Variants in PRP4K observed in about 807,000 individuals in gnomAD.
PRP4K encodes serine/threonine-protein kinase PRP4 homolog.
chr6:4,062,850 CCCA>C, the PRP4K span: 1 of 152,568 alleles, frequency 6.6e-6, no homozygotes, highest in East Asian at 1.9e-4. The surrounding 1 kb of genome is among the most constrained non-coding windows in gnomAD (Gnocchi z 4.2). Context: ...TAGTGATTTT[CCCA>C]CCATTATTTA....
At chr6:4,028,536 C>T in the PRP4K span, among the ~76,000 whole-genome samples, 3 of 152,154 alleles carry the variant, frequency 2.0e-5, no homozygotes, top group Admixed American at 6.5e-5. Flanking sequence ...CAAGATACTG[C>T]ACTTTTTCCA....
the PRP4K span, among the ~76,000 whole-genome samples, chr6:4,041,680 T>TTTC: frequency 8.9e-5 from 2 of 22,456 alleles, no homozygotes; most frequent in Non-Finnish European, 1.1e-4. Flanking sequence ...TCTGAGGACA[T>TTTC]TTCTTGTGAT....
the PRP4K span, chr6:4,044,040 CTGGCGACGCTT>C: frequency 8.1e-6 from 13 of 1,603,604 alleles, no homozygotes; most frequent in African/African-American, 1.3e-4. Flanking sequence ...GAGTTTTGTC[CTGGCGACGCTT>C]TTCTCTGAAT....
At chr6:4,029,480 T>A in the PRP4K span, among the ~76,000 whole-genome samples, 1 of 151,380 alleles carries the variant, frequency 6.6e-6, no homozygotes, top group East Asian at 1.9e-4. Flanking sequence ...AATAGCTAAT[T>A]TTTTTTATTT....
chr6:4,031,169 GTTGT>G, the PRP4K span, among the ~76,000 whole-genome samples: 1 of 152,160 alleles, frequency 6.6e-6, no homozygotes, highest in Admixed American at 6.5e-5. Context: ...GGGCCCTTTG[GTTGT>G]TAATGTGTGA....
the PRP4K span, among the ~76,000 whole-genome samples, chr6:4,043,402 G>C: frequency 4.6e-5 from 7 of 152,074 alleles, no homozygotes; most frequent in Admixed American, 2.0e-4. Flanking sequence ...TATGTGCTTT[G>C]GAACTCAGAA....
chr6:4,053,882 T>G, the PRP4K span, among the ~76,000 whole-genome samples: 1 of 147,578 alleles, frequency 6.8e-6, no homozygotes, highest in Non-Finnish European at 1.5e-5. Context: ...AAATAAATAC[T>G]TTTGATTTTT....
chr6:4,062,935 G>A, the PRP4K span: 1 of 150,746 alleles, frequency 6.6e-6, no homozygotes, highest in Non-Finnish European at 1.5e-5. The surrounding 1 kb of genome is among the most constrained non-coding windows in gnomAD (Gnocchi z 4.2). Context: ...ACAATTTGAT[G>A]CTTCTGGTGA....
chr6:4,032,339 G>GA, the PRP4K span: 1 of 1,613,798 alleles, frequency 6.2e-7, no homozygotes, highest in Non-Finnish European at 8.5e-7. Flanking sequence ...CAAAAGATAG[G>GA]AAAAAATCCC....
At chr6:4,052,985 T>G in the PRP4K span, 1 of 964,880 alleles carries the variant, frequency 1.0e-6, no homozygotes, top group East Asian at 2.9e-5. Context: ...GTTCAGTATA[T>G]TAATAACCTA....
the PRP4K span, among the ~76,000 whole-genome samples, chr6:4,041,787 A>G: frequency 6.6e-6 from 1 of 152,320 alleles, no homozygotes; most frequent in East Asian, 1.9e-4. Context: ...AAAACAAATC[A>G]TGCTAAGGAT....
At chr6:4,044,786 C>T in the PRP4K span, among the ~76,000 whole-genome samples, 1 of 151,858 alleles carries the variant, frequency 6.6e-6, no homozygotes, top group East Asian at 1.9e-4. Flanking sequence ...TGGCCTTTTC[C>T]TTTACAGTTC....
At chr6:4,043,897 C>T in the PRP4K span, 2 of 1,614,216 alleles carry the variant, frequency 1.2e-6, no homozygotes, top group African/African-American at 1.3e-5. Flanking sequence ...AACACGATCA[C>T]CATCTCCAGA....
At chr6:4,038,433 A>G in the PRP4K span, among the ~76,000 whole-genome samples, 10 of 149,394 alleles carry the variant, frequency 6.7e-5, no homozygotes, top group South Asian at 1.5e-3. Flanking sequence ...AGAGGTGCCC[A>G]TGCCACCATG....
chr6:4,027,788 C>T, the PRP4K span, among the ~76,000 whole-genome samples: 1 of 152,118 alleles, frequency 6.6e-6, no homozygotes, highest in African/African-American at 2.4e-5. Flanking sequence ...AATTTGAACC[C>T]AGGCAGTCTG....
the PRP4K span, among the ~76,000 whole-genome samples, chr6:4,053,789 C>G: frequency 6.6e-6 from 1 of 152,184 alleles, no homozygotes; most frequent in Non-Finnish European, 1.5e-5. Flanking sequence ...AGTTCTCCTA[C>G]AGTTGATGCC....
At chr6:4,035,650 G>A in the PRP4K span, among the ~76,000 whole-genome samples, 1 of 152,100 alleles carries the variant, frequency 6.6e-6, no homozygotes, top group African/African-American at 2.4e-5. Flanking sequence ...AACATGCAAG[G>A]CAGGTTGTGT....
the PRP4K span, among the ~76,000 whole-genome samples, chr6:4,056,127 A>G: frequency 6.6e-6 from 1 of 150,524 alleles, no homozygotes; most frequent in Non-Finnish European, 1.5e-5. Context: ...TACTCATTGT[A>G]ATGAATATTT....
the PRP4K span, chr6:4,037,577 A>G: frequency 3.7e-6 from 6 of 1,609,720 alleles, no homozygotes; most frequent in Non-Finnish European, 5.1e-6. Context: ...GAAGGTAAAG[A>G]CATTTCATCC....
Sources: allele counts gnomAD v4.1 joint callset (sites outside exome capture counted in the v4.1 genomes callset), GRCh38; gene constraint gnomAD v4.1.1; non-coding constraint Gnocchi (gnomAD v3.1); transcripts MANE v1.5; gene names NCBI Gene and HGNC (gene_info 2026-07-23, HGNC 2026-07-21).